The following CDIN1 variants were observed in gnomAD, a reference collection of about 807,000 sequenced individuals.
CDIN1 encodes the protein CDAN1-interacting nuclease 1.
Under a neutral mutation model 45.3 loss-of-function variants are expected in CDIN1, and 33 were observed. That is an observed-to-expected ratio of 0.73 (90% CI 0.55 to 0.97). CDIN1 has a LOEUF of 0.97. Among genes scored for constraint, CDIN1 ranks in the 50% least tolerant of loss-of-function variants. The pLI is 0.00. For missense variants in CDIN1, 303 were observed against 339.4 expected, an observed-to-expected ratio of 0.89 and a Z score of 0.84; for synonymous variants, 118 against 124.4, an observed-to-expected ratio of 0.95 and a Z score of 0.34.
intron 10 of CDIN1, among the ~76,000 whole-genome samples, chr15:36,748,974 T>C (rs1323609271): frequency 6.6e-6 from 1 of 152,190 alleles, no homozygotes; most frequent in East Asian, 1.9e-4. Flanking sequence ...CAAGAGGATA[T>C]AAAGTCAGTA....
intron 1 of CDIN1, among the ~76,000 whole-genome samples, chr15:36,612,436 G>C (rs925373571): frequency 3.9e-5 from 6 of 152,032 alleles, no homozygotes; most frequent in African/African-American, 1.4e-4. Context: ...CAGTTATTTG[G>C]GATTGTATTT....
At chr15:36,741,238 A>G (rs1193569525) in intron 10 of CDIN1, among the ~76,000 whole-genome samples, 1 of 152,212 alleles carries the variant, frequency 6.6e-6, no homozygotes, top group Admixed American at 6.5e-5. Context: ...TTTATGAGGA[A>G]TTGGTACAGC....
At chr15:36,589,176 A>G (rs1485075366) in intron 1 of CDIN1, among the ~76,000 whole-genome samples, 1 of 152,192 alleles carries the variant, frequency 6.6e-6, no homozygotes, top group Admixed American at 6.5e-5. Context: ...TTTTTATTAC[A>G]CATTTTGTAC....
At chr15:36,715,920 T>C (rs1228022812) in intron 10 of CDIN1, among the ~76,000 whole-genome samples, 2 of 152,274 alleles carry the variant, frequency 1.3e-5, no homozygotes, top group African/African-American at 2.4e-5. Flanking sequence ...TTTTTCAGCA[T>C]GTTGAATGTG....
chr15:36,657,251 A>G (rs1281710571), intron 4 of CDIN1, among the ~76,000 whole-genome samples: 2 of 152,144 alleles, frequency 1.3e-5, no homozygotes, highest in Non-Finnish European at 2.9e-5. Context: ...GTAATTTATT[A>G]TTAACATCTC....
At chr15:36,747,264 G>A in intron 10 of CDIN1, 2 of 333,532 alleles carry the variant, frequency 6.0e-6, no homozygotes. Context: ...ACATTTCTGG[G>A]TGACAAAATA....
chr15:36,711,523 G>A (rs2043055670), intron 10 of CDIN1, among the ~76,000 whole-genome samples: 1 of 152,162 alleles, frequency 6.6e-6, no homozygotes, highest in South Asian at 2.1e-4. Context: ...ATGCCTGGAG[G>A]ATGTCTGTGT....
chr15:36,692,528 A>G (rs1035683870), intron 7 of CDIN1, among the ~76,000 whole-genome samples: 5 of 152,190 alleles, frequency 3.3e-5, no homozygotes, highest in African/African-American at 1.2e-4. Context: ...ACAAATTTCC[A>G]TTTAAAATGA....
At chr15:36,749,515 A>G (rs748862515) in intron 10 of CDIN1, among the ~76,000 whole-genome samples, 11 of 152,170 alleles carry the variant, frequency 7.2e-5, no homozygotes, top group Admixed American at 1.3e-4. Flanking sequence ...TGTCTGTGGA[A>G]ATTATTCATC....
intron 8 of CDIN1, among the ~76,000 whole-genome samples, chr15:36,704,050 CA>C (rs1043974663): frequency 2.3e-4 from 35 of 152,168 alleles, no homozygotes. Flanking sequence ...CCTTCATCTA[CA>C]ACGAAAAGGA....
chr15:36,804,250 C>T (rs1047022391), intron 10 of CDIN1, among the ~76,000 whole-genome samples: 1 of 152,092 alleles, frequency 6.6e-6, no homozygotes, highest in Admixed American at 6.6e-5. Flanking sequence ...TAATAATGAA[C>T]ATTGTTGTAA....
chr15:36,797,979 C>CAAAA (rs570630838), intron 10 of CDIN1, among the ~76,000 whole-genome samples: 2 of 55,264 alleles, frequency 3.6e-5, no homozygotes, highest in African/African-American at 1.4e-4. Flanking sequence ...GACTCCATCT[C>CAAAA]AAAAAAAAAA....
At chr15:36,733,109 TTA>T (rs2043891026) in intron 10 of CDIN1, among the ~76,000 whole-genome samples, 1 of 152,064 alleles carries the variant, frequency 6.6e-6, no homozygotes, top group Non-Finnish European at 1.5e-5. Flanking sequence ...AACTTCAGCC[TTA>T]TGTTTCTGGC....
At chr15:36,808,211 C>T in intron 10 of CDIN1, 113 bp from the exon 11 acceptor site, 1 of 1,486,486 alleles carries the variant, frequency 6.7e-7, no homozygotes, top group Non-Finnish European at 9.1e-7. Context: ...GCAACCAAAA[C>T]AAAAATTTTG....
intron 10 of CDIN1, among the ~76,000 whole-genome samples, chr15:36,764,218 T>TTTG (rs200163864): frequency 5.4e-4 from 65 of 120,812 alleles, no homozygotes; most frequent in African/African-American, 1.7e-3. Flanking sequence ...GTTTTGGTTT[T>TTTG]TTTTTTTTTT....
intron 5 of CDIN1, among the ~76,000 whole-genome samples, chr15:36,688,250 A>G (rs1170983276): frequency 6.6e-6 from 1 of 151,900 alleles, no homozygotes; most frequent in Non-Finnish European, 1.5e-5. Context: ...CAAGACTGAG[A>G]AATTAAAAAA....
chr15:36,734,412 A>ATTT (rs2043943710), intron 10 of CDIN1: 11 of 341,418 alleles, frequency 3.2e-5, no homozygotes, highest in East Asian at 9.3e-5. Context: ...TTTTTTTTTA[A>ATTT]AAAAAGCTCA....
intron 10 of CDIN1, among the ~76,000 whole-genome samples, chr15:36,770,153 T>TA (rs2054032970): frequency 6.6e-6 from 1 of 151,934 alleles, no homozygotes; most frequent in Non-Finnish European, 1.5e-5. Context: ...GTATTCTTTT[T>TA]AAAAAACATT....
At chr15:36,689,895 A>G (rs760918598) in intron 5 of CDIN1, among the ~76,000 whole-genome samples, 1 of 152,190 alleles carries the variant, frequency 6.6e-6, no homozygotes, top group African/African-American at 2.4e-5. Flanking sequence ...TGTCTTCTCT[A>G]GAGACCACAC....
Sources: allele counts gnomAD v4.1 joint callset (sites outside exome capture counted in the v4.1 genomes callset), GRCh38; gene constraint gnomAD v4.1.1; transcripts MANE v1.5; gene names NCBI Gene and HGNC (gene_info 2026-07-23, HGNC 2026-07-21).